Variants in DPP8 observed in about 807,000 individuals in gnomAD.
The protein encoded by DPP8 is dipeptidyl peptidase 8, also known as DPP VIII.
A neutral mutation model predicts 107.5 loss-of-function variants in DPP8; 31 were observed. The observed-to-expected ratio is 0.29, with a 90% CI of 0.22 to 0.39. DPP8 has a LOEUF of 0.39. Ranked by LOEUF, DPP8 falls within the 10% of genes least tolerant of loss-of-function variation. The pLI is 1.00. For synonymous variants in DPP8, 381 were observed against 356.6 expected (o/e 1.07, Z -0.77); for missense variants, 842 against 1,076.1 (o/e 0.78, Z 3.04).
At chr15:65,486,610 A>G (rs971115233) in intron 7 of DPP8, among the ~76,000 whole-genome samples, 2 of 119,758 alleles carry the variant, frequency 1.7e-5, no homozygotes, top group Admixed American at 9.7e-5. Context: ...GGATTAAAAA[A>G]ATGTAGTATA....
intron 19 of DPP8, among the ~76,000 whole-genome samples, chr15:65,448,865 AATATATAT>A (rs58549410): frequency 0.27 from 14,597 of 53,276 alleles, 3,007 homozygotes; most frequent in East Asian, 0.64. Context: ...ATATATCTAA[AATATATAT>A]ATATATATAT....
chr15:65,498,070 C>A, intron 4 of DPP8, 38 bp from the exon 5 acceptor site: 1 of 1,458,944 alleles, frequency 6.9e-7, no homozygotes, highest in Non-Finnish European at 9.4e-7. Context: ...AAGTATTAGG[C>A]TGACACATAC....
chr15:65,480,166 C>T, intron 10 of DPP8, 56 bp downstream of exon 10: 1 of 1,500,088 alleles, frequency 6.7e-7, no homozygotes, highest in Non-Finnish European at 9.1e-7. Context: ...TATATAACTT[C>T]ATTTGCTTTA....
intron 7 of DPP8, 78 bp from the exon 8 acceptor site, chr15:65,485,238 C>A (rs2067288788): frequency 8.9e-7 from 1 of 1,118,012 alleles, no homozygotes. Flanking sequence ...ATCCTCTTTA[C>A]ACTTTAGTTA....
chr15:65,464,896 G>A (rs2065211313), intron 14 of DPP8, among the ~76,000 whole-genome samples: 1 of 152,028 alleles, frequency 6.6e-6, no homozygotes, highest in African/African-American at 2.4e-5. Context: ...GGGTGGGGGG[G>A]TGAGGTAAAT....
chr15:65,494,181 C>T (rs2068338981), intron 5 of DPP8, among the ~76,000 whole-genome samples: 2 of 99,680 alleles, frequency 2.0e-5, no homozygotes, highest in Non-Finnish European at 3.5e-5. Flanking sequence ...GGGTCTCTCT[C>T]TTTCATCTGC....
chr15:65,449,152 G>A (rs568245121), intron 19 of DPP8, among the ~76,000 whole-genome samples: 2 of 144,446 alleles, frequency 1.4e-5, no homozygotes, highest in Admixed American at 1.4e-4. Context: ...AGAGGTTGCA[G>A]TTAGCCAAGA....
intron 1 of DPP8, among the ~76,000 whole-genome samples, chr15:65,514,906 T>G (rs1479909949): frequency 6.6e-6 from 1 of 152,198 alleles, no homozygotes; most frequent in East Asian, 1.9e-4. Flanking sequence ...TGTGTTACGT[T>G]TGGAAGTTCA....
At chr15:65,451,842 C>T (rs616231) in intron 18 of DPP8, 118 bp downstream of exon 18, 1 of 1,051,116 alleles carries the variant, frequency 9.5e-7, no homozygotes, top group Non-Finnish European at 1.3e-6. Context: ...GGAGGATCCT[C>T]TGAGCCCAGG....
chr15:65,512,703 TAGTA>T (rs1327107218), intron 1 of DPP8, 139 bp from the exon 2 acceptor site: 2 of 796,642 alleles, frequency 2.5e-6, no homozygotes, highest in South Asian at 1.8e-5. Flanking sequence ...CAATGAAACT[TAGTA>T]AGAAAAGCAA....
chr15:65,513,879 C>A (rs1010934062), intron 1 of DPP8, among the ~76,000 whole-genome samples: 1 of 152,180 alleles, frequency 6.6e-6, no homozygotes, highest in Admixed American at 6.6e-5. Context: ...ATTCATGACA[C>A]TGCCAAAAAG....
intron 4 of DPP8, among the ~76,000 whole-genome samples, chr15:65,499,070 A>AAGTGTGT (rs372003700): frequency 7.7e-6 from 1 of 129,690 alleles, no homozygotes; most frequent in African/African-American, 3.1e-5. Flanking sequence ...CCAAAAAAAA[A>AAGTGTGT]GTGTGTGTGT....
At chr15:65,448,865 AATATATATATAT>A (rs58549410) in intron 19 of DPP8, among the ~76,000 whole-genome samples, 701 of 53,264 alleles carry the variant, frequency 0.013, 69 homozygotes, top group African/African-American at 0.032. Context: ...ATATATCTAA[AATATATATATAT>A]ATATATATAT....
intron 12 of DPP8, among the ~76,000 whole-genome samples, chr15:65,469,339 G>C (rs1362267357): frequency 6.6e-6 from 1 of 150,976 alleles, no homozygotes; most frequent in Non-Finnish European, 1.5e-5. Context: ...CCAGCACTTT[G>C]AGAACCACCC....
intron 11 of DPP8, chr15:65,475,181 G>C (rs1312510505): frequency 2.4e-6 from 1 of 424,238 alleles, no homozygotes; most frequent in Non-Finnish European, 4.4e-6. Flanking sequence ...GGAAGTCCAG[G>C]GCAATGCAGT....
At chr15:65,454,115 TTAC>T (rs954961939) in intron 17 of DPP8, 145 bp downstream of exon 17, 2 of 518,934 alleles carry the variant, frequency 3.9e-6, no homozygotes, top group African/African-American at 4.2e-5. Flanking sequence ...CCAGCCCGGG[TTAC>T]AGAGCAAGAC....
chr15:65,496,887 C>A (rs1301651819), intron 5 of DPP8, among the ~76,000 whole-genome samples: 1 of 151,258 alleles, frequency 6.6e-6, no homozygotes, highest in African/African-American at 2.4e-5. Flanking sequence ...CCGCCTCAGT[C>A]TCAAGTAGTT....
chr15:65,515,627 G>C (rs539814538), intron 1 of DPP8: 2 of 1,606,358 alleles, frequency 1.2e-6, no homozygotes, highest in East Asian at 2.2e-5. Context: ...CACCTACCTC[G>C]TCACTTAAGT....
intron 5 of DPP8, among the ~76,000 whole-genome samples, chr15:65,492,828 GCTCAAGTAATC>G (rs1480933452): frequency 6.6e-6 from 1 of 151,996 alleles, no homozygotes; most frequent in East Asian, 1.9e-4. Context: ...AAACCCCTGA[GCTCAAGTAATC>G]CTCTCACCTT....
Sources: allele counts gnomAD v4.1 joint callset (sites outside exome capture counted in the v4.1 genomes callset), GRCh38; gene constraint gnomAD v4.1.1; transcripts MANE v1.5; gene names NCBI Gene and HGNC (gene_info 2026-07-23, HGNC 2026-07-21).